NLGN1: variants seen among roughly 807,000 people sequenced by gnomAD.
NLGN1 encodes the protein neuroligin-1.
NLGN1 carries 12 observed loss-of-function variants against 65.5 expected under a neutral mutation model. That is an observed-to-expected ratio of 0.18 (90% CI 0.12 to 0.30). The LOEUF (loss-of-function observed/expected upper bound fraction) is 0.30. Ranked by LOEUF, NLGN1 falls within the 10% of genes least tolerant of loss-of-function variation. NLGN1 has a pLI of 1.00. For missense variants in NLGN1, 750 were observed against 1,007.1 expected (o/e 0.74, Z 3.46); for synonymous variants, 350 against 359.5 (o/e 0.97, Z 0.30).
chr3:173,972,264 A>G (rs1407449415), intron 4 of NLGN1, among the ~76,000 whole-genome samples: 1 of 152,066 alleles, frequency 6.6e-6, no homozygotes, highest in Non-Finnish European at 1.5e-5. Flanking sequence ...AGAAGAGTTT[A>G]GAGTTTTGAT....
intron 3 of NLGN1, among the ~76,000 whole-genome samples, chr3:173,751,970 T>A (rs1435664892): frequency 2.0e-5 from 3 of 152,096 alleles, no homozygotes; most frequent in Non-Finnish European, 4.4e-5. Flanking sequence ...CTGAGGCCTG[T>A]GCTTGTTAAA....
intron 4 of NLGN1, among the ~76,000 whole-genome samples, chr3:174,239,126 A>C (rs1372029615): frequency 6.6e-6 from 1 of 151,484 alleles, no homozygotes; most frequent in Non-Finnish European, 1.5e-5. Context: ...GCTGGAGTGC[A>C]GTGGCGATCT....
chr3:174,265,763 CTATATATA>C (rs374563161), intron 4 of NLGN1, among the ~76,000 whole-genome samples: 4 of 125,652 alleles, frequency 3.2e-5, no homozygotes. Flanking sequence ...ACTAAGAAGG[CTATATATA>C]TATATATATA....
intron 1 of NLGN1, among the ~76,000 whole-genome samples, chr3:173,400,276 T>C (rs896821151): frequency 2.6e-5 from 4 of 152,166 alleles, no homozygotes; most frequent in Non-Finnish European, 2.9e-5. Flanking sequence ...TTCTGAAATA[T>C]AGGTATGATC....
chr3:173,445,292 A>G (rs1043368394), intron 2 of NLGN1, among the ~76,000 whole-genome samples: 4 of 150,502 alleles, frequency 2.7e-5, no homozygotes, highest in Non-Finnish European at 5.9e-5. Flanking sequence ...AAAAAAAAAA[A>G]AAACAAGGAC....
chr3:173,530,021 G>A (rs907562778), intron 2 of NLGN1, among the ~76,000 whole-genome samples: 5 of 151,342 alleles, frequency 3.3e-5, no homozygotes, highest in African/African-American at 1.2e-4. Flanking sequence ...GCAGTGGCGC[G>A]ATCTCAGCTT....
intron 4 of NLGN1, among the ~76,000 whole-genome samples, chr3:174,251,702 T>A (rs1261036539): frequency 1.3e-5 from 2 of 152,218 alleles, no homozygotes; most frequent in Non-Finnish European, 2.9e-5. Flanking sequence ...AAATTGCAAA[T>A]TAAGCTACTA....
chr3:174,242,559 A>C (rs978250766), intron 4 of NLGN1, among the ~76,000 whole-genome samples: 1 of 152,002 alleles, frequency 6.6e-6, no homozygotes, highest in African/African-American at 2.4e-5. Context: ...ACCTGAACCC[A>C]ATTATGAAGT....
At chr3:174,219,955 G>A (rs1738331945) in intron 4 of NLGN1, among the ~76,000 whole-genome samples, 1 of 152,110 alleles carries the variant, frequency 6.6e-6, no homozygotes, top group African/African-American at 2.4e-5. Flanking sequence ...ACAGAGAGAA[G>A]CTGTTGGGAA....
intron 4 of NLGN1, among the ~76,000 whole-genome samples, chr3:173,943,646 C>A (rs1746559246): frequency 2.0e-5 from 3 of 152,164 alleles, no homozygotes; most frequent in African/African-American, 7.2e-5. Context: ...AATTCGGCTT[C>A]TTGGTTCGTG....
intron 2 of NLGN1, among the ~76,000 whole-genome samples, chr3:173,451,048 T>G (rs1368629725): frequency 6.6e-6 from 1 of 152,210 alleles, no homozygotes; most frequent in Non-Finnish European, 1.5e-5. Context: ...TTCTGAAGCC[T>G]TCTTCTCTCA....
intron 3 of NLGN1, among the ~76,000 whole-genome samples, chr3:173,657,175 T>C (rs1246981407): frequency 6.6e-6 from 1 of 152,028 alleles, no homozygotes; most frequent in Non-Finnish European, 1.5e-5. Flanking sequence ...CTCACTACGG[T>C]ATCTAAAATA....
At chr3:174,222,924 T>C (rs1188980202) in intron 4 of NLGN1, among the ~76,000 whole-genome samples, 1 of 152,232 alleles carries the variant, frequency 6.6e-6, no homozygotes, top group Non-Finnish European at 1.5e-5. Context: ...ACTTCTACTC[T>C]TCTGAGGTTG....
chr3:174,239,251 T>C (rs544827268), intron 4 of NLGN1, among the ~76,000 whole-genome samples: 2 of 152,198 alleles, frequency 1.3e-5, no homozygotes, highest in South Asian at 4.1e-4. Context: ...GTGTTTTTAG[T>C]AGAGATGGAC....
intron 4 of NLGN1, among the ~76,000 whole-genome samples, chr3:174,214,140 A>C (rs570103116): frequency 6.6e-6 from 1 of 152,184 alleles, no homozygotes; most frequent in East Asian, 1.9e-4. Flanking sequence ...TAAAGGATAC[A>C]AAACTACAGC....
intron 3 of NLGN1, among the ~76,000 whole-genome samples, chr3:173,668,870 C>A (rs1004514631): frequency 6.6e-6 from 1 of 151,956 alleles, no homozygotes; most frequent in African/African-American, 2.4e-5. Context: ...GTGATCCGCC[C>A]GCCTCGGCCT....
At chr3:174,180,866 A>T (rs534882363) in intron 4 of NLGN1, 1 of 152,024 alleles carries the variant, frequency 6.6e-6, no homozygotes, top group Non-Finnish European at 1.5e-5. Flanking sequence ...CAATGTATAG[A>T]ACTATAGACA....
chr3:174,023,432 G>A (rs774620690), intron 4 of NLGN1, among the ~76,000 whole-genome samples: 8 of 152,064 alleles, frequency 5.3e-5, no homozygotes, highest in Non-Finnish European at 7.4e-5. Flanking sequence ...CTCCAAAAAC[G>A]CTGGCATCTG....
intron 4 of NLGN1, among the ~76,000 whole-genome samples, chr3:174,123,171 A>T (rs1204368339): frequency 6.6e-6 from 1 of 152,240 alleles, no homozygotes; most frequent in African/African-American, 2.4e-5. Context: ...ATCAAGATTC[A>T]TAATTGAGAA....
Sources: allele counts gnomAD v4.1 joint callset (sites outside exome capture counted in the v4.1 genomes callset), GRCh38; gene constraint gnomAD v4.1.1; transcripts MANE v1.5; gene names NCBI Gene and HGNC (gene_info 2026-07-23, HGNC 2026-07-21).